The following INTS7 variants were observed in gnomAD, a reference collection of about 807,000 sequenced individuals.
INTS7 encodes integrator complex subunit 7.
INTS7 carries 46 observed loss-of-function variants against 109.2 expected under a neutral mutation model. The observed-to-expected ratio is 0.42, with a 90% confidence interval of 0.33 to 0.54. The LOEUF (loss-of-function observed/expected upper bound fraction) is 0.54. INTS7 is among the 20% of genes least tolerant of loss of function. The pLI is 0.07. For synonymous variants in INTS7, 412 were observed against 402.9 expected (o/e 1.02, Z -0.27); for missense variants, 929 against 1,132.4 (o/e 0.82, Z 2.58).
At chr1:211,956,485 G>T (rs953722404) in intron 16 of INTS7, among the ~76,000 whole-genome samples, 1 of 152,100 alleles carries the variant, frequency 6.6e-6, no homozygotes, top group African/African-American at 2.4e-5. Context: ...TGCTAATGAA[G>T]AATATTTAAA....
Position 212,009,044 on chromosome 1 carries a change from T to C in INTS7, c.557-1595A>G, listed in dbSNP as rs543916475. 3.3e-5 allele frequency among the ~76,000 whole-genome samples: 5 copies of C among 152,282 alleles called. No homozygotes were observed. The South Asian group carries it at 1.0e-3, about 32-fold the overall frequency. On this transcript the variant is annotated intron_variant, in intron 5 of 19. Transcript: ENST00000366994. ...TCAACCCAGTACTCAGAGGGATCTTTGTGTTTACAGGCATCTTTACTAAAG... is the reference window on the plus strand; with the variant it reads ...TCAACCCAGTACTCAGAGGGATCTTCGTGTTTACAGGCATCTTTACTAAAG...
At chr1:212,029,403 T>C (rs1667058448) in intron 1 of INTS7, among the ~76,000 whole-genome samples, 1 of 152,210 alleles carries the variant, frequency 6.6e-6, no homozygotes, top group Non-Finnish European at 1.5e-5. Flanking sequence ...AAGCTAGAAA[T>C]ACTGCTGCTG....
chr1:211,978,554 A>G (rs749314053), intron 10 of INTS7, 43 bp from the exon 11 acceptor site: 2 of 1,610,092 alleles, frequency 1.2e-6, no homozygotes, highest in Admixed American at 1.7e-5. Flanking sequence ...TTTTGAAGAT[A>G]CAGATGAAGC....
intron 3 of INTS7, 70 bp from the exon 4 acceptor site, chr1:212,017,093 G>A (rs1446023303): frequency 1.6e-6 from 2 of 1,285,030 alleles, no homozygotes; most frequent in Non-Finnish European, 2.1e-6. Context: ...TAAGAGGCAA[G>A]GCAAAGTCAG....
rs1663506306 is a variant in INTS7, at chr1:211,959,332, TGGC to T, written c.2184-6634_2184-6632del. On this transcript the variant is annotated intron_variant, in intron 16 of 19. Coordinates refer to ENST00000366994, the MANE Select transcript of INTS7 (RefSeq NM_015434.4). The surrounding 1 kb of genome is among the most constrained non-coding windows in gnomAD (Gnocchi z 4.2). ...GACGATCAGATGGGGCCAGTCCATC[TGGC>T]CTCTCCTGGGGCCCCAACCTGGCTG... Among the ~76,000 whole-genome samples the T allele has an allele frequency of 6.6e-6, 1 of 152,312 alleles. No individual in the cohort carries two copies. Among genetic ancestry groups the T allele is most frequent in the African/African-American group, 2.4e-5 (1 of 41,576 alleles).
intron 1 of INTS7, among the ~76,000 whole-genome samples, chr1:212,026,487 G>A (rs1222476419): frequency 1.3e-5 from 2 of 152,114 alleles, no homozygotes; most frequent in Non-Finnish European, 2.9e-5. Flanking sequence ...ACAAAGAACT[G>A]CCTCTGAAGC....
intron 17 of INTS7, among the ~76,000 whole-genome samples, chr1:211,951,214 C>T (rs1425408411): frequency 1.3e-5 from 2 of 152,156 alleles, no homozygotes; most frequent in Admixed American, 1.3e-4. Flanking sequence ...TGTTTGTGTT[C>T]CCCCAAATTC....
chr1:212,027,471 C>CA (rs1047520384), intron 1 of INTS7, among the ~76,000 whole-genome samples: 48 of 149,218 alleles, frequency 3.2e-4, no homozygotes, highest in African/African-American at 4.7e-4. Context: ...ATTCTTCCAC[C>CA]AAAAAAAAAC....
At chr1:211,972,579 T>C (rs1664227351) in intron 13 of INTS7, among the ~76,000 whole-genome samples, 1 of 152,208 alleles carries the variant, frequency 6.6e-6, no homozygotes, top group African/African-American at 2.4e-5. Flanking sequence ...ACCTACAACA[T>C]CTTTTGAAGG....
At chr1:211,957,494 C>T (rs1168001838) in intron 16 of INTS7, among the ~76,000 whole-genome samples, 2 of 151,390 alleles carry the variant, frequency 1.3e-5, no homozygotes, top group Non-Finnish European at 1.5e-5. Flanking sequence ...TGCAGTGAGC[C>T]GAGATCACAC....
At chr1:211,954,368 T>C (rs1394665814) in intron 16 of INTS7, among the ~76,000 whole-genome samples, 1 of 152,232 alleles carries the variant, frequency 6.6e-6, no homozygotes, top group Non-Finnish European at 1.5e-5. Context: ...CTGATGGTAG[T>C]TTGTTTTGCT....
chr1:211,944,785 T>C lies in INTS7; in HGVS notation c.2600A>G (p.Lys867Arg), dbSNP rs780937766. ...TLQSKSGQDYKIPIDNMTNEM... is the reference protein window; with the variant it reads ...TLQSKSGQDYRIPIDNMTNEM... ...AATTCTGCCTCTTTTCTAAATTACC[T>C]TGTAGTCTTGTCCAGATTTACTCTG... The change falls in exon 19 of 20, where the codon AAG becomes AGG. Residue 867 changes from lysine (K) to arginine (R), a missense_variant and splice_region_variant. This residue lies in a region of INTS7 where 787 missense variants were observed against 901.1 expected (regional missense o/e 0.87). Transcript: ENST00000366994. The C allele has an allele frequency of 1.9e-6, 3 of 1,612,360 alleles. No homozygotes were observed. Among genetic ancestry groups the C allele is most frequent in the South Asian group, 1.1e-5 (1 of 91,018 alleles).
intron 7 of INTS7, among the ~76,000 whole-genome samples, chr1:211,988,413 C>A (rs1394578070): frequency 6.7e-6 from 1 of 149,690 alleles, no homozygotes; most frequent in East Asian, 1.9e-4. Flanking sequence ...CAGAGCAAGA[C>A]CCTGTCTCAA....
chr1:211,981,850 A>G (rs2993535), intron 9 of INTS7, among the ~76,000 whole-genome samples: 14,051 of 152,206 alleles, frequency 0.092, 1,025 homozygotes, highest in African/African-American at 0.2. Flanking sequence ...TGTTACATGG[A>G]AGAAAATACT....
intron 16 of INTS7, among the ~76,000 whole-genome samples, chr1:211,964,405 G>A (rs1025869658): frequency 6.6e-6 from 1 of 152,130 alleles, no homozygotes; most frequent in African/African-American, 2.4e-5. Context: ...CCAAAGCAAC[G>A]TATAGATTCA....
At position 212,011,440 on chromosome 1, in the gene INTS7, GAGAAC is replaced by G; in HGVS notation, c.510-24_510-20del. 2 of 1,529,002 alleles carry G rather than the reference GAGAAC, an allele frequency of 1.3e-6. No individual in the cohort carries two copies. The highest frequency in any genetic ancestry group is 1.8e-6 in the Non-Finnish European group (2 of 1,118,804). The allele number at this position is 1,529,002 out of a possible 1,614,324, so 94.7% of individuals were successfully genotyped here. A position where few individuals can be genotyped will look rare whatever the true frequency, so the allele number is the denominator to read the frequency against. ...AAAATCCCTTTGGAAAAAGAGAACA[GAGAAC>G]AGAAAAAACTTACATTTGCTTATAT... On this transcript the variant is annotated intron_variant, in intron 4 of 19. Transcript: ENST00000366994.
At chr1:211,997,699 T>TCTCAGACCATGTTTAGTA (rs1665469671) in intron 7 of INTS7, among the ~76,000 whole-genome samples, 1 of 150,884 alleles carries the variant, frequency 6.6e-6, no homozygotes, top group Non-Finnish European at 1.5e-5. Context: ...GCCAACATGG[T>TCTCAGACCATGTTTAGTA]GAAACCCCAT....
At chr1:211,968,021 CATT>C (rs753693514) in intron 14 of INTS7, 40 bp from the exon 15 acceptor site, 8 of 1,109,218 alleles carry the variant, frequency 7.2e-6, no homozygotes, top group Non-Finnish European at 9.1e-6. Flanking sequence ...AACATGCTAT[CATT>C]ATTGTATAAA....
At chr1:212,001,143 C>A (rs1221358008) in intron 7 of INTS7, among the ~76,000 whole-genome samples, 2 of 151,472 alleles carry the variant, frequency 1.3e-5, no homozygotes, top group African/African-American at 4.9e-5. Context: ...CTAGGCTCAC[C>A]GCAACCTCTG....
Sources: allele counts gnomAD v4.1 joint callset (sites outside exome capture counted in the v4.1 genomes callset), GRCh38; gene constraint gnomAD v4.1.1; regional missense constraint gnomAD v4.1.1; non-coding constraint Gnocchi (gnomAD v3.1); transcripts MANE v1.5; gene names NCBI Gene and HGNC (gene_info 2026-07-23, HGNC 2026-07-21).